RAP1GAP2: variants seen among roughly 807,000 people sequenced by gnomAD.
RAP1GAP2 encodes RAP1 GTPase activating protein 2.
A neutral mutation model predicts 95.0 loss-of-function variants in RAP1GAP2; 27 were observed. That is an observed-to-expected ratio of 0.28 (90% CI 0.21 to 0.39). RAP1GAP2 has a LOEUF of 0.39. Among genes scored for constraint, RAP1GAP2 ranks in the 10% least tolerant of loss-of-function variants. RAP1GAP2 has a pLI of 1.00. For synonymous variants in RAP1GAP2, 373 were observed against 380.9 expected (o/e 0.98, Z 0.24); for missense variants, 771 against 970.0 (o/e 0.79, Z 2.72).
rs1375933082 is a variant in RAP1GAP2 at position 2,871,785 on chromosome 17, C to T, written c.81-33499C>T. ...GGGGATCTGTCAGATGTGCATCTTT[C>T]CACACACGTGGAATGACGTAGAATG... On this transcript the variant is annotated intron_variant, in intron 2 of 24. Transcript: ENST00000254695. The surrounding 1 kb of genome is among the most constrained non-coding windows in gnomAD (Gnocchi z 5.0). 1.3e-5 allele frequency among the ~76,000 whole-genome samples: 2 copies of T among 151,822 alleles called. No homozygotes were observed. The highest frequency in any genetic ancestry group is 4.8e-5 in the African/African-American group (2 of 41,434).
chr17:2,795,412 C>T (rs917018985), upstream of RAP1GAP2, among the ~76,000 whole-genome samples: 1 of 152,294 alleles, frequency 6.6e-6, no homozygotes, highest in Non-Finnish European at 1.5e-5. Flanking sequence ...GACTGGGATG[C>T]GTGCAGGACA....
intron 2 of RAP1GAP2, among the ~76,000 whole-genome samples, chr17:2,848,972 C>T (rs776426286): frequency 2.2e-4 from 34 of 152,136 alleles, no homozygotes; most frequent in Admixed American, 1.1e-3. Flanking sequence ...CAGCAGGGGG[C>T]GCTGATGTAC....
chr17:2,794,520 A>G (rs2069015374), upstream of RAP1GAP2, among the ~76,000 whole-genome samples: 1 of 152,176 alleles, frequency 6.6e-6, no homozygotes, highest in Non-Finnish European at 1.5e-5. Context: ...TGAACCACAC[A>G]ATCCTAACTT....
At chr17:2,766,030 A>G (rs957521713) in intron 1 of RAP1GAP2, among the ~76,000 whole-genome samples, 4 of 152,214 alleles carry the variant, frequency 2.6e-5, no homozygotes, top group South Asian at 2.1e-4. Flanking sequence ...CCCAGCAGCC[A>G]GGATGATCTT....
At chr17:2,938,492 G>C (rs2043373260) in intron 3 of RAP1GAP2, among the ~76,000 whole-genome samples, 1 of 152,140 alleles carries the variant, frequency 6.6e-6, no homozygotes, top group Non-Finnish European at 1.5e-5. Flanking sequence ...TCCCTGGGCT[G>C]AGCCGGGGCT....
intron 3 of RAP1GAP2, among the ~76,000 whole-genome samples, chr17:2,951,527 T>C (rs1567815032): frequency 6.6e-6 from 1 of 152,006 alleles, no homozygotes; most frequent in Non-Finnish European, 1.5e-5. Flanking sequence ...AAAACCAGCC[T>C]GGGCAACATG....
intron 17 of RAP1GAP2, among the ~76,000 whole-genome samples, chr17:3,010,049 A>G (rs1030621288): frequency 6.6e-6 from 1 of 152,122 alleles, no homozygotes; most frequent in Non-Finnish European, 1.5e-5. Context: ...ATGCAGAACT[A>G]TAAGAGGTGA....
At chr17:2,874,973 G>A (rs959876118) in intron 2 of RAP1GAP2, among the ~76,000 whole-genome samples, 2 of 152,114 alleles carry the variant, frequency 1.3e-5, no homozygotes, top group Non-Finnish European at 2.9e-5. Flanking sequence ...AATATAGAGA[G>A]TTTGCTCGGG....
chr17:2,779,183 C>T (rs1163640901), intron 1 of RAP1GAP2, among the ~76,000 whole-genome samples: 1 of 152,226 alleles, frequency 6.6e-6, no homozygotes, highest in Non-Finnish European at 1.5e-5. Flanking sequence ...GGGCTGGAAG[C>T]AGCACACTGA....
In RAP1GAP2 at chr17:3,006,000, G is replaced by A. The variant is rs1344992476; in HGVS notation, c.1318G>A (p.Glu440Lys). Residue 440 changes from glutamate to lysine, a missense_variant, in exon 16 of 25, where the codon GAG becomes AAG. By Grantham distance (56) the Glu-to-Lys change is moderately conservative. Transcript: ENST00000254695. The surrounding 1 kb of genome is among the most constrained non-coding windows in gnomAD (Gnocchi z 5.2). ...EFLLTKLTNA[E>K]NACCKSDKFA... ...TCTGCTCACCAAGCTCACCAATGCCGAGAACGCCTGCTGCAAGTCGGACAA... is the reference window on the plus strand; with the variant it reads ...TCTGCTCACCAAGCTCACCAATGCCAAGAACGCCTGCTGCAAGTCGGACAA... 2 of 1,613,898 alleles carry A rather than the reference G, an allele frequency of 1.2e-6. No individual in the cohort carries two copies. Among genetic ancestry groups the A allele is most frequent in the Non-Finnish European group, 1.7e-6 (2 of 1,179,860 alleles).
At chr17:2,978,194 G>A (rs191766150) in intron 8 of RAP1GAP2, among the ~76,000 whole-genome samples, 1 of 152,264 alleles carries the variant, frequency 6.6e-6, no homozygotes, top group Non-Finnish European at 1.5e-5. Flanking sequence ...CCTTAGCATA[G>A]AATTTTTTTC....
At chr17:2,760,248 G>A (rs573287284) in intron 1 of RAP1GAP2, among the ~76,000 whole-genome samples, 4 of 130,462 alleles carry the variant, frequency 3.1e-5, no homozygotes, top group African/African-American at 9.0e-5. Flanking sequence ...AGTTGAGATC[G>A]CGCCACTGCA....
rs573477071 is a variant in RAP1GAP2 at position 2,906,393 on chromosome 17, G to A, written c.165+1025G>A. ...CGATACCCATCACATACAGAGCCAT[G>A]TGGTATGCCTCGAGGAGCCTGTGTG... On this transcript the variant is annotated intron_variant, in intron 3 of 24. Transcript: ENST00000254695. This position sits in a 1 kb window ranked among gnomAD's most constrained non-coding sequence, Gnocchi z 4.3. Among the ~76,000 whole-genome samples the A allele has an allele frequency of 1.3e-5, 2 of 152,238 alleles. No homozygotes were observed. The highest frequency in any genetic ancestry group is 2.9e-5 in the Non-Finnish European group (2 of 68,012).
At chr17:2,862,229 A>ACTGC (rs2072429843) in intron 2 of RAP1GAP2, among the ~76,000 whole-genome samples, 1 of 152,196 alleles carries the variant, frequency 6.6e-6, no homozygotes, top group Non-Finnish European at 1.5e-5. Flanking sequence ...GGGTCCTGGA[A>ACTGC]CTGCCGCCTG....
chr17:2,864,407 G>A (rs950801845), intron 2 of RAP1GAP2, among the ~76,000 whole-genome samples: 2 of 152,230 alleles, frequency 1.3e-5, no homozygotes, highest in Non-Finnish European at 2.9e-5. Context: ...TCCACATTGT[G>A]AATCTGTTTT....
chr17:2,850,440 C>T (rs2071787169), intron 2 of RAP1GAP2, among the ~76,000 whole-genome samples: 3 of 151,772 alleles, frequency 2.0e-5, no homozygotes, highest in South Asian at 2.1e-4. Flanking sequence ...GTTGCAATAA[C>T]GTTTTCTTTT....
chr17:2,974,044 A>T (rs2044987630), intron 8 of RAP1GAP2, among the ~76,000 whole-genome samples: 1 of 152,130 alleles, frequency 6.6e-6, no homozygotes, highest in Non-Finnish European at 1.5e-5. Flanking sequence ...TCAAGTGTTT[A>T]AAAAAAGAAA....
chr17:2,974,934 A>C (rs1017939719), intron 8 of RAP1GAP2, among the ~76,000 whole-genome samples: 37 of 152,228 alleles, frequency 2.4e-4, no homozygotes, highest in African/African-American at 8.7e-4. Flanking sequence ...ATGATGGTTT[A>C]GAAATAATTT....
chr17:2,905,391 G>A (rs2042167788), intron 3 of RAP1GAP2, 23 bp downstream of exon 3: 1 of 1,608,822 alleles, frequency 6.2e-7, no homozygotes, highest in Non-Finnish European at 8.5e-7. Flanking sequence ...GATTCAGGAA[G>A]GCAGGGAGGG....
Sources: gnomAD v4.1 joint callset for allele counts (sites outside exome capture counted in the v4.1 genomes callset) on GRCh38, gnomAD v4.1.1 for gene constraint, Gnocchi (gnomAD v3.1) non-coding constraint, MANE v1.5 for transcripts, NCBI Gene and HGNC (gene_info 2026-07-23, HGNC 2026-07-21) for gene names.